The following USP47 variants were observed in gnomAD, a reference collection of about 807,000 sequenced individuals.
The protein encoded by USP47 is ubiquitin carboxyl-terminal hydrolase 47.
USP47 carries 35 observed loss-of-function variants against 165.1 expected under a neutral mutation model. The observed-to-expected ratio is 0.21, with a 90% confidence interval of 0.16 to 0.28. The LOEUF is 0.28. Among genes scored for constraint, USP47 ranks in the 10% least tolerant of loss-of-function variants. The pLI is 1.00. For missense variants in USP47, 1,277 were observed against 1,607.4 expected, an observed-to-expected ratio of 0.79 and a Z score of 3.52; for synonymous variants, 531 against 544.5, an observed-to-expected ratio of 0.98 and a Z score of 0.35.
intron 3 of USP47, 68 bp from the exon 4 acceptor site, chr11:11,891,900 A>C: frequency 1.3e-6 from 2 of 1,548,144 alleles, no homozygotes; most frequent in Non-Finnish European, 1.7e-6. Flanking sequence ...TTCCTACAGG[A>C]AATGGTGAAT....
Position 11,950,368 on chromosome 11 carries a change from C to A in USP47, c.3469C>A (p.Arg1157Ser). 6.3e-7 allele frequency: 1 copy of A among 1,582,844 alleles called. No individual in the cohort carries two copies. Residue 1157 changes from arginine (R) to serine (S), a missense_variant, in exon 24 of 28, where the codon CGT becomes AGT. This residue lies in a region of USP47 where 909 missense variants were observed against 1,068.1 expected (regional missense o/e 0.85). Coordinates refer to ENST00000527733, the MANE Select transcript of USP47 (RefSeq NM_001282659.2). The stretch of plus-strand genomic sequence containing the variant: ...AATGTCTTATCACATTTGTAGGTTT[C>A]GTCTAAGGAAAAAAACATGGAAGAA... ...CGLELSIDRFRLRKKTWKNPG... is the reference protein window; with the variant it reads ...CGLELSIDRFSLRKKTWKNPG...
intron 5 of USP47, among the ~76,000 whole-genome samples, chr11:11,899,589 A>G (rs1211309391): frequency 6.6e-6 from 1 of 152,112 alleles, no homozygotes; most frequent in Non-Finnish European, 1.5e-5. Flanking sequence ...AGCTTCAGGT[A>G]GTAGACAGTA....
chr11:11,950,319 G>C, intron 23 of USP47, 45 bp from the exon 24 acceptor site: 3 of 1,305,136 alleles, frequency 2.3e-6, no homozygotes, highest in Non-Finnish European at 3.2e-6. Context: ...TTTAAATTGA[G>C]AGTTTCAAAT....
intron 5 of USP47, among the ~76,000 whole-genome samples, chr11:11,902,484 T>TTGCCTTGTTA (rs1440355550): frequency 6.6e-6 from 1 of 152,218 alleles, no homozygotes; most frequent in Non-Finnish European, 1.5e-5. Flanking sequence ...TTGAGCACTT[T>TTGCCTTGTTA]TGCCTTGTTA....
chr11:11,921,459 A>G (rs892317484), intron 10 of USP47, among the ~76,000 whole-genome samples: 1 of 151,900 alleles, frequency 6.6e-6, no homozygotes, highest in Non-Finnish European at 1.5e-5. Context: ...GACCTTGGAT[A>G]ATTCATAAAA....
intron 11 of USP47, among the ~76,000 whole-genome samples, chr11:11,927,620 C>T (rs1472776710): frequency 6.6e-6 from 1 of 152,000 alleles, no homozygotes; most frequent in Non-Finnish European, 1.5e-5. Context: ...AATCTGTGTG[C>T]CTTTCATTTG....
At position 11,920,188 on chromosome 11, in the gene USP47, G is replaced by A. The variant is rs552949382; in HGVS notation, c.1002G>A (p.Glu334=). The A allele has an allele frequency of 4.1e-5, 66 of 1,605,254 alleles. No individual in the cohort carries two copies. In the East Asian group the frequency reaches 7.6e-4, roughly 19 times the overall value. Residue 334 remains glutamate, a synonymous_variant, in exon 9 of 28, where the codon GAG becomes GAA. Transcript: ENST00000527733. ...EEALHAFIQP[E]ILDGPNQYFC... ...CATTGCATGCATTTATTCAGCCAGA[G>A]ATTCTGGATGGCCCAAATCAGTATT...
At chr11:11,882,569 T>C (rs1232528726) in intron 2 of USP47, among the ~76,000 whole-genome samples, 1 of 152,196 alleles carries the variant, frequency 6.6e-6, no homozygotes, top group Non-Finnish European at 1.5e-5. Context: ...CACCACATAA[T>C]TTCCAGTGTT....
chr11:11,849,739 T>C (rs1172778101), intron 1 of USP47, among the ~76,000 whole-genome samples: 1 of 152,218 alleles, frequency 6.6e-6, no homozygotes, highest in African/African-American at 2.4e-5. Flanking sequence ...GGAGCCCCTG[T>C]TTCTGTATCT....
At chr11:11,955,275 C>A in intron 27 of USP47, 111 bp downstream of exon 27, 3 of 1,317,364 alleles carry the variant, frequency 2.3e-6, no homozygotes, top group Non-Finnish European at 3.0e-6. Context: ...CGGCACTAAC[C>A]GGTAGAAATA....
chr11:11,933,153 T>C, intron 15 of USP47, 37 bp downstream of exon 15: 1 of 1,559,500 alleles, frequency 6.4e-7, no homozygotes, highest in Non-Finnish European at 8.8e-7. Flanking sequence ...TTGAAAGTGC[T>C]ATTTTTAAGC....
chr11:11,858,665 T>G (rs1849201901), intron 1 of USP47, among the ~76,000 whole-genome samples: 1 of 152,208 alleles, frequency 6.6e-6, no homozygotes, highest in South Asian at 2.1e-4. Context: ...TGGAGTCATA[T>G]AGTATGGTAG....
intron 1 of USP47, among the ~76,000 whole-genome samples, chr11:11,870,667 T>C (rs921801929): frequency 1.3e-5 from 2 of 152,188 alleles, no homozygotes; most frequent in Admixed American, 1.3e-4. Context: ...TGACGGTTAT[T>C]TTTTGTAAGC....
At chr11:11,926,852 T>C (rs568643675) in intron 11 of USP47, among the ~76,000 whole-genome samples, 1 of 151,732 alleles carries the variant, frequency 6.6e-6, no homozygotes, top group Admixed American at 6.6e-5. Context: ...CTATAAACTT[T>C]CCTCTTTTGT....
At chr11:11,944,151 A>T (rs1442060216) in intron 20 of USP47, among the ~76,000 whole-genome samples, 3 of 149,590 alleles carry the variant, frequency 2.0e-5, no homozygotes, top group African/African-American at 7.4e-5. Context: ...CCACCCATCC[A>T]AGTAACATTT....
intron 11 of USP47, among the ~76,000 whole-genome samples, chr11:11,925,177 G>A (rs1212518981): frequency 6.7e-6 from 1 of 149,150 alleles, no homozygotes; most frequent in Non-Finnish European, 1.5e-5. Context: ...GTGTGATCTC[G>A]GCTCACTGCA....
At chr11:11,864,311 T>G (rs778613347) in intron 1 of USP47, among the ~76,000 whole-genome samples, 19 of 152,232 alleles carry the variant, frequency 1.2e-4, no homozygotes, top group Admixed American at 5.2e-4. Flanking sequence ...CAGTTTTGCT[T>G]CTTCCACAAA....
chr11:11,900,318 G>A (rs538074221), intron 5 of USP47, among the ~76,000 whole-genome samples: 4 of 151,870 alleles, frequency 2.6e-5, no homozygotes, highest in South Asian at 2.1e-4. Context: ...CAGCCACCTC[G>A]CCAGGCTAAT....
chr11:11,945,042 T>C (rs904019025), intron 20 of USP47, among the ~76,000 whole-genome samples: 5 of 152,220 alleles, frequency 3.3e-5, no homozygotes, highest in African/African-American at 7.2e-5. Context: ...AATTTCCTAG[T>C]GTTCATTGAA....
Sources: gnomAD v4.1 joint callset for allele counts (sites outside exome capture counted in the v4.1 genomes callset) on GRCh38, gnomAD v4.1.1 for gene constraint, gnomAD v4.1.1 regional missense constraint, MANE v1.5 for transcripts, NCBI Gene and HGNC (gene_info 2026-07-23, HGNC 2026-07-21) for gene names.